Variants in MSH3 observed in about 807,000 individuals in gnomAD.
The protein encoded by MSH3 is DNA mismatch repair protein Msh3.
In MSH3, 106 loss-of-function variants were observed where a neutral mutation model predicts 123.3. The ratio of observed to expected loss-of-function variants is 0.86; its 90% CI spans 0.73 to 1.01. The LOEUF (loss-of-function observed/expected upper bound fraction) is 1.01. MSH3 is among the 50% of genes least tolerant of loss of function. MSH3 has a pLI of 0.00. For synonymous variants in MSH3, 515 were observed against 481.4 expected (o/e 1.07, Z -0.91); for missense variants, 1,459 against 1,347.6 (o/e 1.08, Z -1.29).
At chr5:80,730,308 A>G (rs191059399) in intron 10 of MSH3, among the ~76,000 whole-genome samples, 13 of 152,324 alleles carry the variant, frequency 8.5e-5, no homozygotes, top group African/African-American at 2.9e-4. Context: ...AGTTAGAAAC[A>G]TGTGAAATCG....
intron 8 of MSH3, among the ~76,000 whole-genome samples, chr5:80,710,650 G>A (rs1750838981): frequency 6.6e-6 from 1 of 152,150 alleles, no homozygotes; most frequent in African/African-American, 2.4e-5. Flanking sequence ...TGACCTGCTT[G>A]TTAACTGAGA....
intron 19 of MSH3, among the ~76,000 whole-genome samples, chr5:80,793,646 C>A (rs1422022005): frequency 6.6e-6 from 1 of 152,038 alleles, no homozygotes; most frequent in Non-Finnish European, 1.5e-5. Context: ...GGAAGTGAAG[C>A]ATAGCAGGAG....
At chr5:80,776,445 T>A (rs944441477) in intron 16 of MSH3, among the ~76,000 whole-genome samples, 3 of 152,220 alleles carry the variant, frequency 2.0e-5, no homozygotes, top group Admixed American at 1.3e-4. Context: ...CAATTTCATT[T>A]TCTACCTCAC....
chr5:80,732,588 A>G (rs1271232287), intron 10 of MSH3, among the ~76,000 whole-genome samples: 1 of 152,166 alleles, frequency 6.6e-6, no homozygotes, highest in Non-Finnish European at 1.5e-5. Context: ...AAACAAATAT[A>G]TTACAGGAAA....
At chr5:80,698,790 CGG>C in intron 8 of MSH3, among the ~76,000 whole-genome samples, 1 of 136,658 alleles carries the variant, frequency 7.3e-6, no homozygotes, top group Non-Finnish European at 1.6e-5. Context: ...CCTCACACAC[CGG>C]GGGGCCTGTT....
chr5:80,698,111 A>C (rs763941608), intron 8 of MSH3, among the ~76,000 whole-genome samples: 1 of 152,126 alleles, frequency 6.6e-6, no homozygotes, highest in East Asian at 1.9e-4. Context: ...TATGTCTTCT[A>C]TACTGGTTTT....
At chr5:80,763,470 A>T (rs1447956357) in intron 13 of MSH3, among the ~76,000 whole-genome samples, 18 of 152,196 alleles carry the variant, frequency 1.2e-4, no homozygotes, top group Admixed American at 1.2e-3. Context: ...CGCAAGTTTT[A>T]TGGTAGACCT....
At chr5:80,701,206 A>G (rs537597574) in intron 8 of MSH3, among the ~76,000 whole-genome samples, 1 of 152,310 alleles carries the variant, frequency 6.6e-6, no homozygotes, top group African/African-American at 2.4e-5. Flanking sequence ...GTTGCAAGGT[A>G]GGGGGTAAAT....
At chr5:80,705,690 T>A (rs1173986452) in intron 8 of MSH3, among the ~76,000 whole-genome samples, 2 of 152,228 alleles carry the variant, frequency 1.3e-5, no homozygotes, top group African/African-American at 2.4e-5. Context: ...TATTGGCTCC[T>A]TCTTGAGGAC....
chr5:80,731,693 G>C (rs1743415925), intron 10 of MSH3, among the ~76,000 whole-genome samples: 1 of 152,140 alleles, frequency 6.6e-6, no homozygotes, highest in Non-Finnish European at 1.5e-5. Context: ...GTGTTCATGA[G>C]TGGCATGTAA....
intron 8 of MSH3, among the ~76,000 whole-genome samples, chr5:80,705,585 T>C (rs544777927): frequency 6.6e-6 from 1 of 152,360 alleles, no homozygotes; most frequent in East Asian, 1.9e-4. Context: ...CCAGGGCTGC[T>C]GTAACAAAGT....
chr5:80,737,610 T>C (rs1743535435), intron 10 of MSH3, among the ~76,000 whole-genome samples: 1 of 152,200 alleles, frequency 6.6e-6, no homozygotes, highest in Non-Finnish European at 1.5e-5. Flanking sequence ...CTTGAGTGTT[T>C]CAGGTCAGTG....
At chr5:80,859,712 CTTTTTTTT>C (rs373044585) in intron 21 of MSH3, among the ~76,000 whole-genome samples, 1 of 130,152 alleles carries the variant, frequency 7.7e-6, no homozygotes, top group Non-Finnish European at 1.6e-5. Flanking sequence ...CATTTTCTCT[CTTTTTTTT>C]TTTTTTTGTT....
chr5:80,735,162 TC>T (rs1194946229), intron 10 of MSH3, among the ~76,000 whole-genome samples: 2 of 152,052 alleles, frequency 1.3e-5, no homozygotes, highest in Non-Finnish European at 2.9e-5. Flanking sequence ...GGTGGGCAGA[TC>T]ACCTGAGGTC....
intron 20 of MSH3, among the ~76,000 whole-genome samples, chr5:80,825,990 G>T (rs1373768292): frequency 6.6e-6 from 1 of 151,898 alleles, no homozygotes; most frequent in African/African-American, 2.4e-5. Flanking sequence ...TTTTTGTCTT[G>T]GCTGCCAAGA....
rs1442285470 is a variant in MSH3 at position 80,654,687 on chromosome 5, C to T, written c.-41C>T. The T allele has an allele frequency of 3.9e-6, 6 of 1,558,254 alleles. No individual in the cohort carries two copies. The highest frequency in any genetic ancestry group is 2.8e-5 in the African/African-American group (2 of 70,508). The stretch of plus-strand genomic sequence containing the variant: ...GAACTGCGGCCGCGGGCTCGCGCTC[C>T]TCGCCAGGCCCTGCCGCCGGGCTGC... On this transcript the variant is annotated 5_prime_UTR_variant, in exon 1 of 24. Coordinates refer to ENST00000265081, the MANE Select transcript of MSH3 (RefSeq NM_002439.5).
At chr5:80,792,254 C>T (rs1744620395) in intron 18 of MSH3, among the ~76,000 whole-genome samples, 1 of 151,564 alleles carries the variant, frequency 6.6e-6, no homozygotes, top group Non-Finnish European at 1.5e-5. Flanking sequence ...AAGAATAAAG[C>T]CCAGCATGGT....
intron 12 of MSH3, among the ~76,000 whole-genome samples, chr5:80,751,712 C>A (rs1743843586): frequency 1.3e-5 from 2 of 152,064 alleles, no homozygotes. Context: ...TGCAGAATGA[C>A]CTCATCTTAA....
At chr5:80,762,183 G>A (rs1163443271) in intron 13 of MSH3, among the ~76,000 whole-genome samples, 1 of 151,886 alleles carries the variant, frequency 6.6e-6, no homozygotes, top group Non-Finnish European at 1.5e-5. Context: ...TTGAGTCATA[G>A]CAAAAATGAG....
Sources: allele counts gnomAD v4.1 joint callset (sites outside exome capture counted in the v4.1 genomes callset), GRCh38; gene constraint gnomAD v4.1.1; transcripts MANE v1.5; gene names NCBI Gene and HGNC (gene_info 2026-07-23, HGNC 2026-07-21).